Variants in SLC38A10 observed in about 807,000 individuals in gnomAD.
SLC38A10 encodes Sodium-coupled neutral amino acid transporter 10.
Under a neutral mutation model 81.0 loss-of-function variants are expected in SLC38A10, and 53 were observed. The observed-to-expected ratio is 0.65, with a 90% CI of 0.53 to 0.82. The LOEUF (loss-of-function observed/expected upper bound fraction) is 0.82, where lower values mean the gene tolerates loss of function less well. SLC38A10 is among the 40% of genes least tolerant of loss of function. SLC38A10 has a pLI of 0.00. For missense variants in SLC38A10, 1,471 were observed against 1,545.0 expected, an observed-to-expected ratio of 0.95 and a Z score of 0.80; for synonymous variants, 665 against 655.3, an observed-to-expected ratio of 1.01 and a Z score of -0.23.
intron 5 of SLC38A10, 134 bp downstream of exon 5, chr17:81,282,054 TC>T: frequency 7.7e-7 from 1 of 1,294,028 alleles, no homozygotes; most frequent in Admixed American, 1.8e-5. Flanking sequence ...TCCTGGTACA[TC>T]CTGCTACTTC....
In SLC38A10 at chr17:81,246,263, C is replaced by T. The variant is rs375407778; in HGVS notation, c.2653G>A (p.Val885Ile). ...TTCCTGTCTTGGGAACCGCCAGTAA[C>T]GTCCTGACTTTGCCCAGGGAATTCC... ...AEEFPGQSQD[V>I]TGGSQDRKKP... The change falls in exon 16 of 16, where the codon GTT (valine) becomes ATT (isoleucine). Residue 885 changes from valine to isoleucine, a missense_variant. Transcript: ENST00000374759. 19 of 1,612,540 alleles carry T rather than the reference C, an allele frequency of 1.2e-5. No homozygotes were observed. Among genetic ancestry groups the T allele is most frequent in the Admixed American group, 6.7e-5 (4 of 60,012 alleles).
At chr17:81,284,611 T>G (rs2063246574) in intron 3 of SLC38A10, among the ~76,000 whole-genome samples, 2 of 152,144 alleles carry the variant, frequency 1.3e-5, no homozygotes, top group Admixed American at 6.5e-5. Flanking sequence ...TGCTGAGGAA[T>G]GGTGTTGAGA....
At position 81,283,513 on chromosome 17, in the gene SLC38A10, A is replaced by T; in HGVS notation, c.264-11T>A. The T allele has an allele frequency of 1.8e-5, 29 of 1,598,526 alleles. No individual in the cohort carries two copies. The highest frequency in any genetic ancestry group is 2.5e-5 in the Non-Finnish European group (29 of 1,172,118). Reference sequence around the variant, plus strand: ...ATCAGCCCGATCATGCTGCACAGGGACGGGGGGTACGGGAAATGCCATCAG... The same window carrying T: ...ATCAGCCCGATCATGCTGCACAGGGTCGGGGGGTACGGGAAATGCCATCAG... On this transcript the variant is annotated splice_polypyrimidine_tract_variant and intron_variant, in intron 3 of 15. Transcript: ENST00000374759. This position sits in a 1 kb window ranked among gnomAD's most constrained non-coding sequence, Gnocchi z 4.7.
intron 11 of SLC38A10, among the ~76,000 whole-genome samples, chr17:81,254,723 T>G (rs1057336330): frequency 6.6e-6 from 1 of 152,214 alleles, no homozygotes; most frequent in African/African-American, 2.4e-5. Flanking sequence ...TGGGATTACA[T>G]GCGTGAGCCA....
At position 81,255,066 on chromosome 17, in the gene SLC38A10, C is replaced by T. The variant is rs1461773794; in HGVS notation, c.1289-1826G>A. On this transcript the variant is annotated intron_variant, in intron 11 of 15. Transcript: ENST00000374759. ...CTCCAGGGGGAGCTCTGTGTGGGTG[C>T]AGGAGCCGCGGGACGGGAAGTGAGC... 3.3e-5 allele frequency among the ~76,000 whole-genome samples: 5 copies of T among 152,396 alleles called. No individual in the cohort carries two copies. The East Asian group carries it at 9.6e-4, about 29-fold the overall frequency.
chr17:81,264,489 C>CG (rs2063053092), intron 10 of SLC38A10: 1 of 152,298 alleles, frequency 6.6e-6, no homozygotes, highest in Admixed American at 6.5e-5. Context: ...GACCAGGGGC[C>CG]GCGCACTGCC....
In SLC38A10 at chr17:81,283,641, TCTCA is replaced by T; in HGVS notation, c.264-143_264-140del. On this transcript the variant is annotated intron_variant, in intron 3 of 15. Coordinates refer to ENST00000374759, the MANE Select transcript of SLC38A10 (RefSeq NM_001037984.3). This position sits in a 1 kb window ranked among gnomAD's most constrained non-coding sequence, Gnocchi z 4.7. ...TCTTTTTTTTTTTTTTGAAACAGAG[TCTCA>T]CTCTGTCGCCCAGGCTGGAGTGCAA... is the stretch of plus-strand genomic sequence containing the variant. 1.8e-6 allele frequency: 1 copy of T among 554,982 alleles called. No individual in the cohort carries two copies. Among genetic ancestry groups the T allele is most frequent in the South Asian group, 2.0e-5 (1 of 50,324 alleles). The allele number at this position is 554,982 out of a possible 1,614,324, so 34.4% of individuals were successfully genotyped here. A position where few individuals can be genotyped will look rare whatever the true frequency, so the allele number is the denominator to read the frequency against.
At chr17:81,275,062 T>C (rs936021142) in intron 8 of SLC38A10, among the ~76,000 whole-genome samples, 4 of 152,122 alleles carry the variant, frequency 2.6e-5, no homozygotes, top group Non-Finnish European at 5.9e-5. Context: ...TGCGCTGCCA[T>C]GCGTGGCTAA....
intron 8 of SLC38A10, among the ~76,000 whole-genome samples, chr17:81,273,060 C>A (rs1032092427): frequency 1.3e-5 from 2 of 152,170 alleles, no homozygotes; most frequent in African/African-American, 4.8e-5. Flanking sequence ...CAGAACCCCC[C>A]CAAACACACG....
intron 14 of SLC38A10, among the ~76,000 whole-genome samples, chr17:81,249,191 A>G (rs1357607259): frequency 1.6e-5 from 2 of 128,706 alleles, no homozygotes; most frequent in East Asian, 3.0e-4. Flanking sequence ...GAGGAGACAG[A>G]AGGGAGGAGG....
At chr17:81,251,264 T>C (rs2062908787) in intron 14 of SLC38A10, 1 of 1,473,052 alleles carries the variant, frequency 6.8e-7, no homozygotes, top group Non-Finnish European at 9.2e-7. Context: ...CATGTGACGA[T>C]GCCGCAGGTG....
rs1213743061 is a variant in SLC38A10, at chr17:81,294,936, G to A, written c.-15C>T. 6.4e-7 allele frequency: 1 copy of A among 1,571,196 alleles called. No homozygotes were observed. The highest frequency in any genetic ancestry group is 1.4e-5 in the African/African-American group (1 of 71,306). ...GCCGCGGTCATAGTGAGAGGTCTAG[G>A]GGCCCGGGGCGAGAGGCCTCGGGGG... On this transcript the variant is annotated 5_prime_UTR_variant, in exon 1 of 16. Coordinates refer to ENST00000374759, the MANE Select transcript of SLC38A10 (RefSeq NM_001037984.3).
In SLC38A10 at chr17:81,288,543, G is replaced by A. The variant is rs550228415; in HGVS notation, c.217+1148C>T. On this transcript the variant is annotated intron_variant, in intron 2 of 15. Transcript: ENST00000374759. This position sits in a 1 kb window ranked among gnomAD's most constrained non-coding sequence, Gnocchi z 5.4. ...CCTGTGGCGGGCAGGGAGACAGCGCGGGCCACACAGCCTGTGGGCAGACGG... is the reference window on the plus strand; with the variant it reads ...CCTGTGGCGGGCAGGGAGACAGCGCAGGCCACACAGCCTGTGGGCAGACGG... 5.9e-5 allele frequency among the ~76,000 whole-genome samples: 9 copies of A among 152,320 alleles called. No homozygotes were observed. Among genetic ancestry groups the A allele is most frequent in the East Asian group, 5.8e-4 (3 of 5,190 alleles).
chr17:81,248,699 G>A (rs750793696), intron 14 of SLC38A10, among the ~76,000 whole-genome samples: 12 of 152,356 alleles, frequency 7.9e-5, no homozygotes, highest in South Asian at 4.1e-4. Flanking sequence ...ATAGACTGAC[G>A]TGCCGGCCCA....
chr17:81,251,654 C>A, intron 13 of SLC38A10, 42 bp from the exon 14 acceptor site: 2 of 1,453,790 alleles, frequency 1.4e-6, no homozygotes. Flanking sequence ...GCAGGAAAGT[C>A]AAGGGAGGGT....
At position 81,245,878 on chromosome 17, in the gene SLC38A10, C is replaced by G. The variant is rs1423353294; in HGVS notation, c.3038G>C (p.Arg1013Thr). The change falls in exon 16 of 16, where the codon AGG (arginine) becomes ACG (threonine). Residue 1013 changes from arginine (R) to threonine (T), a missense_variant. Physicochemically the swap from Arg to Thr is moderately conservative, Grantham distance 71 (BLOSUM62 -1). Transcript: ENST00000374759. ...CCCCAGCTCTGGCTCTGGCCTCTGC[C>G]TGGGCTCCTGGACAGCAGCGTCCTC... ...GGEDAAVQEP[R>T]QRPEPELGLK... The G allele has an allele frequency of 1.2e-6, 2 of 1,612,174 alleles. No individual in the cohort carries two copies. Among genetic ancestry groups the G allele is most frequent in the Non-Finnish European group, 1.7e-6 (2 of 1,179,646 alleles).
chr17:81,277,118 G>A lies in SLC38A10; in HGVS notation c.642C>T (p.Thr214=). 1 of 1,613,946 alleles carries A rather than the reference G, an allele frequency of 6.2e-7. No homozygotes were observed. The highest frequency in any genetic ancestry group is 8.5e-7 in the Non-Finnish European group (1 of 1,179,948). The change falls in exon 7 of 16, where the codon ACC becomes ACT. Residue 214 remains threonine, a synonymous_variant. Coordinates refer to ENST00000374759, the MANE Select transcript of SLC38A10 (RefSeq NM_001037984.3). The surrounding 1 kb of genome is among the most constrained non-coding windows in gnomAD (Gnocchi z 4.5). ...SFACQSQVLP[T]YDSLDEPSVK... The stretch of plus-strand genomic sequence containing the variant: ...CTGACGGCTCATCCAGGCTGTCGTA[G>A]GTGGGCAGCACCTGGCTGTATAGAA...
chr17:81,285,407 A>T (rs565850906), intron 2 of SLC38A10: 2 of 152,592 alleles, frequency 1.3e-5, no homozygotes, highest in African/African-American at 4.8e-5. Flanking sequence ...CCTTTCGAGC[A>T]TGGTGCTTCA....
At position 81,247,204 on chromosome 17, in the gene SLC38A10, A is replaced by G. The variant is rs545298932; in HGVS notation, c.2066-143T>C. 6.2e-4 allele frequency: 526 copies of G among 845,422 alleles called. 3 individuals carry two copies. The African/African-American group carries it at 8.2e-3, about 13-fold the overall frequency. The allele number at this position is 845,422 out of a possible 1,614,324, so 52.4% of individuals were successfully genotyped here. On this transcript the variant is annotated intron_variant, in intron 14 of 15. Coordinates refer to ENST00000374759, the MANE Select transcript of SLC38A10 (RefSeq NM_001037984.3). Reference sequence around the variant, plus strand: ...ACACTGGCCACTGGTGACACCCATCATGACTGTGACCGTGAAGCCCGGACA... The same window carrying G: ...ACACTGGCCACTGGTGACACCCATCGTGACTGTGACCGTGAAGCCCGGACA...
Sources: gnomAD v4.1 joint callset for allele counts (sites outside exome capture counted in the v4.1 genomes callset) on GRCh38, gnomAD v4.1.1 for gene constraint, Gnocchi (gnomAD v3.1) non-coding constraint, MANE v1.5 for transcripts, NCBI Gene and HGNC (gene_info 2026-07-23, HGNC 2026-07-21) for gene names.